The following CNTNAP2 variants were observed in gnomAD, a reference collection of about 807,000 sequenced individuals.
The protein encoded by CNTNAP2 is contactin-associated protein-like 2.
In CNTNAP2, 98 loss-of-function variants were observed where a neutral mutation model predicts 155.2. The ratio of observed to expected loss-of-function variants is 0.63; its 90% CI spans 0.54 to 0.75. The LOEUF (loss-of-function observed/expected upper bound fraction) is 0.75, where lower values mean the gene tolerates loss of function less well. Ranked by LOEUF, CNTNAP2 falls within the 30% of genes least tolerant of loss-of-function variation. The pLI, the probability that CNTNAP2 is intolerant of heterozygous loss-of-function variation, is 0.00. For synonymous variants in CNTNAP2, 651 were observed against 631.2 expected (o/e 1.03, Z -0.47); for missense variants, 1,727 against 1,688.1 (o/e 1.02, Z -0.40).
intron 1 of CNTNAP2, among the ~76,000 whole-genome samples, chr7:146,230,788 G>A (rs1040192431): frequency 6.6e-6 from 1 of 152,174 alleles, no homozygotes; most frequent in Non-Finnish European, 1.5e-5. Flanking sequence ...GGCCGAGGCA[G>A]GTGGACCGCT....
At position 146,516,078 on chromosome 7, in the gene CNTNAP2, A is replaced by G. The variant is rs986279722; in HGVS notation, c.98-258193A>G. On this transcript the variant is annotated intron_variant, in intron 1 of 23. Transcript: ENST00000361727. ...TTCTATGCATTGATCTATACATGAC[A>G]ACTCTCATTTCCACTGCAATTTCAA... Among the ~76,000 whole-genome samples, 6 of 152,168 alleles carry G rather than the reference A, an allele frequency of 3.9e-5. No individual in the cohort carries two copies. In the East Asian group the frequency reaches 1.2e-3, roughly 29 times the overall value.
At chr7:148,349,193 A>G (rs1185365713) in intron 21 of CNTNAP2, among the ~76,000 whole-genome samples, 49 of 152,132 alleles carry the variant, frequency 3.2e-4, no homozygotes. Context: ...TGGTAGTATG[A>G]TAGAGAGTGA....
At chr7:147,630,796 C>A (rs1224774419) in intron 12 of CNTNAP2, among the ~76,000 whole-genome samples, 1 of 152,032 alleles carries the variant, frequency 6.6e-6, no homozygotes, top group Non-Finnish European at 1.5e-5. Flanking sequence ...AAACCTTCTG[C>A]AAAATTGGCA....
chr7:147,880,438 G>A (rs1799500139), intron 13 of CNTNAP2, among the ~76,000 whole-genome samples: 1 of 152,100 alleles, frequency 6.6e-6, no homozygotes, highest in Non-Finnish European at 1.5e-5. Flanking sequence ...TCGACAGTTG[G>A]ATATGTGAGT....
At chr7:147,882,935 G>A (rs1240959735) in intron 13 of CNTNAP2, among the ~76,000 whole-genome samples, 1 of 152,196 alleles carries the variant, frequency 6.6e-6, no homozygotes, top group Non-Finnish European at 1.5e-5. Flanking sequence ...GTGTATGTGT[G>A]TTTATTTAAG....
At chr7:147,880,614 A>T (rs1799503379) in intron 13 of CNTNAP2, among the ~76,000 whole-genome samples, 1 of 152,170 alleles carries the variant, frequency 6.6e-6, no homozygotes, top group Non-Finnish European at 1.5e-5. Flanking sequence ...TTAAAAAAAA[A>T]AAAAGTTAAG....
chr7:147,538,560 G>A (rs1799587742), intron 11 of CNTNAP2, among the ~76,000 whole-genome samples: 1 of 152,056 alleles, frequency 6.6e-6, no homozygotes, highest in Non-Finnish European at 1.5e-5. Context: ...TGAGGCAGGA[G>A]GATCGCTTGA....
At chr7:147,156,261 CTG>C (rs1169388748) in intron 8 of CNTNAP2, among the ~76,000 whole-genome samples, 10 of 152,140 alleles carry the variant, frequency 6.6e-5, no homozygotes, top group Admixed American at 2.0e-4. Flanking sequence ...GGTTAAAACT[CTG>C]TTGAATTGCC....
At chr7:147,411,534 C>T (rs548030962) in intron 10 of CNTNAP2, among the ~76,000 whole-genome samples, 3 of 152,108 alleles carry the variant, frequency 2.0e-5, no homozygotes, top group African/African-American at 4.8e-5. Flanking sequence ...ATCTAGAAAG[C>T]GATCCGAGAC....
chr7:146,804,904 T>C (rs1473711678), intron 2 of CNTNAP2, among the ~76,000 whole-genome samples: 1 of 152,196 alleles, frequency 6.6e-6, no homozygotes, highest in Non-Finnish European at 1.5e-5. Context: ...TTTCTTTCAA[T>C]ACTGCAAGTC....
At chr7:146,735,625 A>G (rs1484509914) in intron 1 of CNTNAP2, among the ~76,000 whole-genome samples, 1 of 144,128 alleles carries the variant, frequency 6.9e-6, no homozygotes, top group Non-Finnish European at 1.5e-5. Flanking sequence ...CATTGTGGCT[A>G]TACACCTCTA....
intron 2 of CNTNAP2, among the ~76,000 whole-genome samples, chr7:146,820,006 T>A (rs1336662766): frequency 1.3e-5 from 2 of 152,208 alleles, no homozygotes; most frequent in Non-Finnish European, 2.9e-5. Flanking sequence ...GCAGTTATAG[T>A]GGTATTTTCT....
At chr7:146,908,157 C>T (rs1373789284) in intron 3 of CNTNAP2, among the ~76,000 whole-genome samples, 1 of 152,110 alleles carries the variant, frequency 6.6e-6, no homozygotes. Context: ...AAAGCAAGTC[C>T]TGAGTGACCT....
At chr7:146,413,408 G>T (rs576017316) in intron 1 of CNTNAP2, among the ~76,000 whole-genome samples, 11 of 152,192 alleles carry the variant, frequency 7.2e-5, no homozygotes, top group African/African-American at 2.6e-4. Context: ...GTGTTTTTGA[G>T]CAAAACAAAG....
chr7:147,293,108 TG>T (rs1425720163), intron 8 of CNTNAP2, among the ~76,000 whole-genome samples: 2 of 152,180 alleles, frequency 1.3e-5, no homozygotes, highest in African/African-American at 4.8e-5. Context: ...AAAAATGTCA[TG>T]ACATACGATC....
At position 147,072,778 on chromosome 7, in the gene CNTNAP2, T is replaced by C. The variant is rs10215056; in HGVS notation, c.550+28724T>C. Reference sequence around the variant, plus strand: ...AGATTTAAAGAAAGGATCACACATCTGTTGTTTTTTTTATTTTTGAGGAGG... The same window carrying C: ...AGATTTAAAGAAAGGATCACACATCCGTTGTTTTTTTTATTTTTGAGGAGG... On this transcript the variant is annotated intron_variant, in intron 4 of 23. Transcript: ENST00000361727. 5.5e-3 allele frequency among the ~76,000 whole-genome samples: 842 copies of C among 152,098 alleles called. 14 individuals are homozygous for C. The highest frequency in any genetic ancestry group is 0.019 in the African/African-American group (794 of 41,488).
chr7:147,101,971 G>A lies in CNTNAP2; in HGVS notation c.551-6176G>A, dbSNP rs565750399. Reference sequence around the variant, plus strand: ...CGGGCTTGAGGGCGGAGCCTTTGCCGGGGAACCACCCTCTTGTCTCCTGTT... The same window carrying A: ...CGGGCTTGAGGGCGGAGCCTTTGCCAGGGAACCACCCTCTTGTCTCCTGTT... On this transcript the variant is annotated intron_variant, in intron 4 of 23. Coordinates refer to ENST00000361727, the MANE Select transcript of CNTNAP2 (RefSeq NM_014141.6). 9.9e-5 allele frequency among the ~76,000 whole-genome samples: 15 copies of A among 152,200 alleles called. 1 individual carries two copies. The highest frequency in any genetic ancestry group is 3.1e-4 in the African/African-American group (13 of 41,524).
In CNTNAP2 at chr7:146,721,889, A is replaced by ATATATATTTTTT; in HGVS notation, c.98-52381_98-52380insATATATTTTTTT. Among the ~76,000 whole-genome samples the ATATATATTTTTT allele has an allele frequency of 5.0e-4, 35 of 69,706 alleles. 4 individuals carry two copies. In the African/African-American group the frequency reaches 6.5e-3, roughly 13 times the overall value. 45.7% of individuals were successfully genotyped at this position (69,706 alleles called of 152,430 possible). On this transcript the variant is annotated intron_variant, in intron 1 of 23. Transcript: ENST00000361727. ...TGTGTGTGTGTGTATATATATATATATTTTTTTTTTTTTTTTTGAGATGGA... is the reference window on the plus strand; with the variant it reads ...TGTGTGTGTGTGTATATATATATATATATATATTTTTTTTTTTTTTTTTTTTTTTGAGATGGA...
At chr7:146,614,861 A>T (rs1174509895) in intron 1 of CNTNAP2, among the ~76,000 whole-genome samples, 6 of 152,186 alleles carry the variant, frequency 3.9e-5, no homozygotes, top group African/African-American at 1.2e-4. Flanking sequence ...TACCGTATGG[A>T]TACAAAAGTG....
Sources: allele counts gnomAD v4.1 joint callset (sites outside exome capture counted in the v4.1 genomes callset), GRCh38; gene constraint gnomAD v4.1.1; transcripts MANE v1.5; gene names NCBI Gene and HGNC (gene_info 2026-07-23, HGNC 2026-07-21).